Variants in EIF2D observed in about 807,000 individuals in gnomAD.
EIF2D encodes the protein hepatocellular carcinoma-associated antigen 56.
EIF2D carries 56 observed loss-of-function variants against 77.4 expected under a neutral mutation model. The ratio of observed to expected loss-of-function variants is 0.72; its 90% CI spans 0.58 to 0.90. The LOEUF (loss-of-function observed/expected upper bound fraction) is 0.90. Ranked by LOEUF, EIF2D falls within the 40% of genes least tolerant of loss-of-function variation. The pLI is 0.00. For missense variants in EIF2D, 574 were observed against 706.5 expected (o/e 0.81, Z 2.13); for synonymous variants, 230 against 271.0 (o/e 0.85, Z 1.49).
At chr1:206,585,824 C>T (rs1669090245) in intron 2 of EIF2D, 1 of 153,016 alleles carries the variant, frequency 6.5e-6, no homozygotes, top group Non-Finnish European at 1.5e-5. Flanking sequence ...GTGTTTGTCA[C>T]ACTGTGTTCA....
chr1:206,607,142 T>C lies in EIF2D; in HGVS notation c.422+1094A>G, dbSNP rs575312413. Among the ~76,000 whole-genome samples the C allele has an allele frequency of 1.4e-4, 22 of 152,298 alleles. No homozygotes were observed. In the South Asian group the frequency reaches 4.6e-3, roughly 32 times the overall value. On this transcript the variant is annotated intron_variant, in intron 4 of 14. Transcript: ENST00000271764. ...GGTTTGGCAGATCTGTGTGTTCTTA[T>C]TTAACACACAGTTAAAGTTAAATGT...
chr1:206,612,293 G>A lies in EIF2D; in HGVS notation c.50C>T (p.Ser17Leu). The change falls in exon 1 of 15, where the codon TCG (serine) becomes TTG (leucine). Residue 17 changes from serine (S) to leucine (L), a missense_variant. Coordinates refer to ENST00000271764, the MANE Select transcript of EIF2D (RefSeq NM_006893.3). Reference sequence around the variant, plus strand: ...GGCCCCTTTCCTCCCTCACCTGTCCGACCCCTTGATGGCCGTGTTGGACTT... The same window carrying A: ...GGCCCCTTTCCTCCCTCACCTGTCCAACCCCTTGATGGCCGTGTTGGACTT... ...RVKSNTAIKG[S>L]DRRKLRADVT... The A allele has an allele frequency of 6.2e-7, 1 of 1,614,218 alleles. No homozygotes were observed. The highest frequency in any genetic ancestry group is 8.5e-7 in the Non-Finnish European group (1 of 1,180,014).
At chr1:206,598,772 G>T (rs1669773356) in intron 11 of EIF2D, among the ~76,000 whole-genome samples, 1 of 152,180 alleles carries the variant, frequency 6.6e-6, no homozygotes, top group South Asian at 2.1e-4. Context: ...ATGGGTATTT[G>T]TGAGAGAATA....
Position 206,594,220 on chromosome 1 carries a change from A to T in EIF2D, c.1510-427T>A, listed in dbSNP as rs116756564. On this transcript the variant is annotated intron_variant, in intron 13 of 14. Coordinates refer to ENST00000271764, the MANE Select transcript of EIF2D (RefSeq NM_006893.3). ...TACTTTAAAGCAAACCTCCCCAGAC[A>T]TCAGATCATTTCATCTATAAATATT... 6.9e-3 allele frequency: 1,048 copies of T among 152,872 alleles called. 10 individuals are homozygous for T. The highest frequency in any genetic ancestry group is 0.024 in the African/African-American group (1,001 of 41,586). 9.5% of individuals were successfully genotyped at this position (152,872 alleles called of 1,614,324 possible).
chr1:206,588,249 G>C (rs151096829), downstream of EIF2D: 5 of 152,760 alleles, frequency 3.3e-5, no homozygotes, highest in Non-Finnish European at 7.3e-5. Flanking sequence ...AGGAGAGCCC[G>C]CGTTCAGTAT....
Position 206,585,393 on chromosome 1 carries a change from C to A in EIF2D, c.139-4231G>T, listed in dbSNP as rs1249165937. 5 of 834,284 alleles carry A rather than the reference C, an allele frequency of 6.0e-6. No individual in the cohort carries two copies. In the East Asian group the frequency reaches 7.3e-5, roughly 12 times the overall value. The allele number at this position is 834,284 out of a possible 1,614,324, so 51.7% of individuals were successfully genotyped here. ...CTACCTCACATAGGTGGGAGCCACG[C>A]AGCACGGGCAGGAAGGTGACTGTTG... On this transcript the variant is annotated intron_variant and NMD_transcript_variant, in intron 2 of 5. Transcript: ENST00000472709.
chr1:206,569,300 A>T (rs1428769000), downstream of EIF2D, among the ~76,000 whole-genome samples: 1 of 152,246 alleles, frequency 6.6e-6, no homozygotes, highest in African/African-American at 2.4e-5. Flanking sequence ...CAAATAGGTT[A>T]TGGTTGGTAA....
intron 2 of EIF2D, 118 bp downstream of exon 2, chr1:206,611,066 G>T: frequency 1.1e-6 from 1 of 901,954 alleles, no homozygotes. Context: ...CCTTGGGGAT[G>T]GTATTGGGAG....
chr1:206,594,883 G>A (rs917830949), intron 13 of EIF2D: 1 of 152,086 alleles, frequency 6.6e-6, no homozygotes, highest in African/African-American at 2.4e-5. Flanking sequence ...TCAATAAATA[G>A]TGACTGTTAC....
downstream of EIF2D, chr1:206,586,650 CTA>C: frequency 1.6e-6 from 1 of 612,432 alleles, no homozygotes; most frequent in Non-Finnish European, 2.9e-6. Flanking sequence ...TTTGTTGCTG[CTA>C]TGACAGGCAT....
In EIF2D at chr1:206,608,267, C is replaced by T. The variant is rs782572519; in HGVS notation, c.391G>A (p.Asp131Asn). The T allele has an allele frequency of 5.6e-6, 9 of 1,613,650 alleles. No homozygotes were observed. The highest frequency in any genetic ancestry group is 2.2e-5 in the East Asian group (1 of 44,850). The change falls in exon 4 of 15, where the codon GAC (aspartate) becomes AAC (asparagine). Residue 131 changes from aspartate (D) to asparagine (N), a missense_variant. Coordinates refer to ENST00000271764, the MANE Select transcript of EIF2D (RefSeq NM_006893.3). ...CCCACCAAAGAAATGGCACAGAGGT[C>T]GCCCTTCTGTACCTGAGGCAGACCA... Reference protein sequence around the residue: ...PAGLPQVQKGDLCAISLVGNR... With the variant: ...PAGLPQVQKGNLCAISLVGNR...
chr1:206,586,749 G>A (rs1157880009), downstream of EIF2D: 1 of 1,100,080 alleles, frequency 9.1e-7, no homozygotes, highest in East Asian at 2.4e-5. Context: ...GAAGGCAGCA[G>A]GGTCTCTCAG....
chr1:206,610,946 C>T (rs1340798419), intron 2 of EIF2D, among the ~76,000 whole-genome samples: 7 of 152,162 alleles, frequency 4.6e-5, no homozygotes, highest in East Asian at 1.9e-4. Context: ...CCCTTACTTA[C>T]TATGTCAGCC....
At chr1:206,611,847 G>A (rs138912613) in intron 1 of EIF2D, among the ~76,000 whole-genome samples, 1 of 152,288 alleles carries the variant, frequency 6.6e-6, no homozygotes, top group African/African-American at 2.4e-5. Context: ...TACCACATGT[G>A]CCTTATTCCC....
rs147291212 is a variant in EIF2D at position 206,584,644 on chromosome 1, G to C, written c.139-3482C>G. The C allele has an allele frequency of 3.7e-6, 6 of 1,614,248 alleles. No homozygotes were observed. The highest frequency in any genetic ancestry group is 5.1e-6 in the Non-Finnish European group (6 of 1,180,050). The stretch of plus-strand genomic sequence containing the variant: ...AGTTCATGGTTGTGGACAATCCCCA[G>C]AAGTTTGCACTTTTTAAGCGGATAC... On this transcript the variant is annotated intron_variant and NMD_transcript_variant, in intron 2 of 5. Transcript: ENST00000472709. This position sits in a 1 kb window ranked among gnomAD's most constrained non-coding sequence, Gnocchi z 4.9.
intron 2 of EIF2D, among the ~76,000 whole-genome samples, chr1:206,582,087 G>A (rs1481605212): frequency 6.6e-6 from 1 of 152,126 alleles, no homozygotes; most frequent in African/African-American, 2.4e-5. Context: ...TTCTGGGTGG[G>A]TTCTGACCAA....
chr1:206,608,465 G>A, intron 3 of EIF2D, 139 bp from the exon 4 acceptor site: 1 of 672,946 alleles, frequency 1.5e-6, no homozygotes, highest in Non-Finnish European at 2.4e-6. Context: ...AATGAAAAAT[G>A]GCAACTTCCA....
chr1:206,587,220 C>G (rs370708445), downstream of EIF2D: 49 of 476,504 alleles, frequency 1.0e-4, no homozygotes, highest in African/African-American at 4.3e-4. Context: ...GTGAAACAAA[C>G]AGCTGACGTC....
At chr1:206,587,144 A>G (rs7525135), downstream of EIF2D, 565,430 of 796,146 alleles carry the variant, frequency 0.71, 202,600 homozygotes, top group African/African-American at 0.83. Flanking sequence ...TGTTTGCACG[A>G]GGGTTCAGCT....
Sources: allele counts gnomAD v4.1 joint callset (sites outside exome capture counted in the v4.1 genomes callset), GRCh38; gene constraint gnomAD v4.1.1; non-coding constraint Gnocchi (gnomAD v3.1); transcripts MANE v1.5; gene names NCBI Gene and HGNC (gene_info 2026-07-23, HGNC 2026-07-21).